TMPRSS5: variants seen among roughly 807,000 people sequenced by gnomAD.
TMPRSS5 encodes the protein transmembrane serine protease 5, also known as transmembrane protease serine 5.
A neutral mutation model predicts 59.7 loss-of-function variants in TMPRSS5; 45 were observed. The observed-to-expected ratio is 0.75, with a 90% CI of 0.59 to 0.97. The LOEUF is 0.97. Ranked by LOEUF, TMPRSS5 falls within the 50% of genes least tolerant of loss-of-function variation. TMPRSS5 has a pLI of 0.00. For synonymous variants in TMPRSS5, 225 were observed against 232.0 expected, an observed-to-expected ratio of 0.97 and a Z score of 0.27; for missense variants, 585 against 596.7, an observed-to-expected ratio of 0.98 and a Z score of 0.20.
chr11:113,699,468 C>A, intron 3 of TMPRSS5, 127 bp downstream of exon 3: 1 of 760,140 alleles, frequency 1.3e-6, no homozygotes, highest in Non-Finnish European at 2.1e-6. Flanking sequence ...GCAATTTCAC[C>A]CTTTCTCCCC....
In TMPRSS5 at chr11:113,704,702, T is replaced by A. The variant is rs138601779; in HGVS notation, c.3+1520A>T. 6.6e-3 allele frequency among the ~76,000 whole-genome samples: 1,006 copies of A among 152,152 alleles called. 10 individuals carry two copies. Among genetic ancestry groups the A allele is most frequent in the African/African-American group, 0.023 (966 of 41,518 alleles). ...GACCCTTCGAGACTCAGCACAGACA[T>A]CACTTCTCCAGGAAGCTTCCTTCTA... On this transcript the variant is annotated intron_variant, in intron 1 of 12. Coordinates refer to ENST00000299882, the MANE Select transcript of TMPRSS5 (RefSeq NM_030770.4).
At chr11:113,694,256 A>C (rs576389430) in intron 8 of TMPRSS5, 14 of 410,700 alleles carry the variant, frequency 3.4e-5, no homozygotes, top group Middle Eastern at 6.4e-4. Context: ...AAAAAAAAAA[A>C]AAAAAACTGA....
rs548188165 is a variant in TMPRSS5, at chr11:113,699,720, G to C, written c.107-27C>G. The C allele has an allele frequency of 1.5e-5, 23 of 1,548,162 alleles. No individual in the cohort carries two copies. The South Asian group carries it at 2.6e-4, about 18-fold the overall frequency. On this transcript the variant is annotated intron_variant, in intron 2 of 12. Coordinates refer to ENST00000299882, the MANE Select transcript of TMPRSS5 (RefSeq NM_030770.4). The stretch of plus-strand genomic sequence containing the variant: ...TGTGGGAAAGGGCAGAGGGGTATCT[G>C]GGTCCCCTGCTCCTGCCAGCCTGCC...
Position 113,697,360 on chromosome 11 carries a change from T to C in TMPRSS5, c.387A>G (p.Pro129=). The change falls in exon 5 of 13, where the codon CCA becomes CCG. Residue 129 remains proline, a synonymous_variant. Transcript: ENST00000299882. Reference sequence around the variant, plus strand: ...CCTCATGGCAGACCAGGAGCCAGCGTGGCTGATCCCTCACTTGCGCTTCCA... The same window carrying C: ...CCTCATGGCAGACCAGGAGCCAGCGCGGCTGATCCCTCACTTGCGCTTCCA... ...FLLEAQVRDQ[P]RWLLVCHEGW... is the part of the protein sequence containing the mutation. The C allele has an allele frequency of 6.2e-7, 1 of 1,613,818 alleles. No individual in the cohort carries two copies. The highest frequency in any genetic ancestry group is 8.5e-7 in the Non-Finnish European group (1 of 1,179,728).
rs749110441 is a variant in TMPRSS5, at chr11:113,690,278, G to C, written c.1159C>G (p.Arg387Gly). ...TCCAGGTAGCCAGCGCAAAGCATGC[G>C]GGGGGTGAGGGCTCCGCTGTACACG... ...SCVYSGALTP[R>G]MLCAGYLDGR... Residue 387 changes from arginine (R) to glycine (G), a missense_variant, in exon 11 of 13, where the codon CGC becomes GGC. By Grantham distance (125) the Arg-to-Gly change is moderately radical. Transcript: ENST00000299882. 47 of 1,570,004 alleles carry C rather than the reference G, an allele frequency of 3.0e-5. No individual in the cohort carries two copies. The highest frequency in any genetic ancestry group is 4.7e-5 in the South Asian group (4 of 84,826).
intron 1 of TMPRSS5, among the ~76,000 whole-genome samples, chr11:113,701,006 TGAA>T (rs2134823444): frequency 6.6e-6 from 1 of 152,330 alleles, no homozygotes; most frequent in Non-Finnish European, 1.5e-5. Context: ...TGCCACCAGT[TGAA>T]GAAGGACATG....
chr11:113,690,451 C>G (rs1219397269), intron 10 of TMPRSS5, 78 bp from the exon 11 acceptor site: 2 of 1,525,834 alleles, frequency 1.3e-6, no homozygotes, highest in South Asian at 1.3e-5. Context: ...GGAGGTAATT[C>G]GAAGTCCCAG....
intron 9 of TMPRSS5, among the ~76,000 whole-genome samples, chr11:113,691,628 A>G (rs1952780810): frequency 6.6e-6 from 1 of 152,172 alleles, no homozygotes; most frequent in Non-Finnish European, 1.5e-5. Context: ...TAGGTAAGTA[A>G]TATAGGTTCT....
At chr11:113,688,488 C>T (rs945099679) in intron 12 of TMPRSS5, among the ~76,000 whole-genome samples, 1 of 152,110 alleles carries the variant, frequency 6.6e-6, no homozygotes, top group Non-Finnish European at 1.5e-5. Flanking sequence ...ATCTACCAAC[C>T]CCCACCCCTG....
At chr11:113,699,216 T>C (rs1953024819) in intron 3 of TMPRSS5, among the ~76,000 whole-genome samples, 189 bp from the exon 4 acceptor site, 1 of 10,998 alleles carries the variant, frequency 9.1e-5, no homozygotes, top group Admixed American at 9.0e-4. Context: ...TGTCTGTCTC[T>C]CTCTCTCTCT....
chr11:113,693,827 T>C (rs1278432734), intron 8 of TMPRSS5: 3 of 152,260 alleles, frequency 2.0e-5, no homozygotes, highest in Admixed American at 6.5e-5. Context: ...TAGTGGTAAA[T>C]AAGACTGAGA....
intron 7 of TMPRSS5, among the ~76,000 whole-genome samples, 200 bp from the exon 8 acceptor site, chr11:113,694,840 G>A (rs1298625920): frequency 6.6e-6 from 1 of 152,172 alleles, no homozygotes; most frequent in African/African-American, 2.4e-5. Flanking sequence ...CCAGCTGTGG[G>A]CCCACTGAAA....
chr11:113,699,712 G>A lies in TMPRSS5; in HGVS notation c.107-19C>T, dbSNP rs761960357. ...TGAGAAACTGTGGGAAAGGGCAGAG[G>A]GGTATCTGGGTCCCCTGCTCCTGCC... On this transcript the variant is annotated intron_variant, in intron 2 of 12. Transcript: ENST00000299882. The A allele has an allele frequency of 1.3e-6, 2 of 1,552,888 alleles. No homozygotes were observed. Among genetic ancestry groups the A allele is most frequent in the South Asian group, 1.2e-5 (1 of 84,156 alleles).
At chr11:113,696,835 C>T in intron 6 of TMPRSS5, 23 bp downstream of exon 6, 1 of 1,519,098 alleles carries the variant, frequency 6.6e-7, no homozygotes, top group Non-Finnish European at 9.0e-7. Flanking sequence ...ACCCCACTCA[C>T]CTAACAGCCT....
chr11:113,690,972 C>A, intron 9 of TMPRSS5, 33 bp from the exon 10 acceptor site: 3 of 1,551,136 alleles, frequency 1.9e-6, no homozygotes, highest in South Asian at 2.4e-5. Context: ...GGTCCCCAGT[C>A]AGGCTTGGCT....
chr11:113,692,585 T>G (rs534394177), intron 9 of TMPRSS5, among the ~76,000 whole-genome samples: 40 of 152,346 alleles, frequency 2.6e-4, no homozygotes, highest in African/African-American at 8.7e-4. Flanking sequence ...GCTTAGGAAC[T>G]GTTTGCCACA....
At chr11:113,690,758 CA>C in intron 10 of TMPRSS5, 82 bp downstream of exon 10, 1 of 1,281,244 alleles carries the variant, frequency 7.8e-7, no homozygotes, top group East Asian at 2.5e-5. Flanking sequence ...GTCATGTGGC[CA>C]GGGGATGTGG....
Position 113,699,786 on chromosome 11 carries a change from C to T in TMPRSS5, c.107-93G>A, listed in dbSNP as rs182426464. The T allele has an allele frequency of 1.0e-5, 15 of 1,430,052 alleles. No homozygotes were observed. In the African/African-American group the frequency reaches 1.1e-4, roughly 11 times the overall value. 88.6% of individuals were successfully genotyped at this position (1,430,052 alleles called of 1,614,324 possible). A position where few individuals can be genotyped will look rare whatever the true frequency, so the allele number is the denominator to read the frequency against. Reference sequence around the variant, plus strand: ...TCACCACTATGGGGCTAGGCACCCACAGAGCTCCAACAGGACACCTCCTCC... The same window carrying T: ...TCACCACTATGGGGCTAGGCACCCATAGAGCTCCAACAGGACACCTCCTCC... On this transcript the variant is annotated intron_variant, in intron 2 of 12. Coordinates refer to ENST00000299882, the MANE Select transcript of TMPRSS5 (RefSeq NM_030770.4).
intron 12 of TMPRSS5, among the ~76,000 whole-genome samples, chr11:113,688,825 T>A (rs1172026124): frequency 6.6e-6 from 1 of 152,064 alleles, no homozygotes. Context: ...CCGCCCAAAG[T>A]GCTAGGATTA....
Sources: gnomAD v4.1 joint callset for allele counts (sites outside exome capture counted in the v4.1 genomes callset) on GRCh38, gnomAD v4.1.1 for gene constraint, MANE v1.5 for transcripts, NCBI Gene and HGNC (gene_info 2026-07-23, HGNC 2026-07-21) for gene names.